EPM2A: variants seen among roughly 807,000 people sequenced by gnomAD.
The protein encoded by EPM2A is EPM2A glucan phosphatase, laforin, also known as laforin.
In EPM2A, 21 loss-of-function variants were observed where a neutral mutation model predicts 26.5. The observed-to-expected ratio is 0.79, with a 90% CI of 0.56 to 1.14. The LOEUF is 1.14. EPM2A is among the 50% of genes most tolerant of loss of function. The pLI, the probability that EPM2A is intolerant of heterozygous loss-of-function variation, is 0.00. For synonymous variants in EPM2A, 217 were observed against 177.6 expected (o/e 1.22, Z -1.76); for missense variants, 458 against 440.8 (o/e 1.04, Z -0.35).
At chr6:145,552,988 G>A (rs538757718) in intron 2 of EPM2A, among the ~76,000 whole-genome samples, 2 of 152,078 alleles carry the variant, frequency 1.3e-5, no homozygotes, top group Non-Finnish European at 2.9e-5. Flanking sequence ...GTTTGGCTCT[G>A]TGTCCCCACC....
intron 4 of EPM2A, chr6:145,490,273 G>C: frequency 6.9e-7 from 1 of 1,440,870 alleles, no homozygotes; most frequent in South Asian, 1.4e-5. Context: ...TACACCCAGT[G>C]TGTATTACCA....
At chr6:145,620,267 T>C (rs1051964628) in intron 2 of EPM2A, among the ~76,000 whole-genome samples, 28 of 152,302 alleles carry the variant, frequency 1.8e-4, no homozygotes, top group African/African-American at 6.3e-4. Flanking sequence ...GCGTGCAACC[T>C]AGATCCCTCG....
At chr6:145,683,714 T>G (rs147657879) in intron 2 of EPM2A, among the ~76,000 whole-genome samples, 1 of 152,186 alleles carries the variant, frequency 6.6e-6, no homozygotes, top group African/African-American at 2.4e-5. Flanking sequence ...TGCCTGTCTT[T>G]TCATTCAGGG....
At chr6:145,709,553 T>C (rs765665362) in intron 1 of EPM2A, among the ~76,000 whole-genome samples, 4 of 152,200 alleles carry the variant, frequency 2.6e-5, no homozygotes, top group East Asian at 1.9e-4. Context: ...TCCCCAGCCA[T>C]GTGGAACTGT....
chr6:145,540,474 C>T (rs962022988), intron 2 of EPM2A, among the ~76,000 whole-genome samples: 3 of 152,106 alleles, frequency 2.0e-5, no homozygotes, highest in Non-Finnish European at 4.4e-5. Flanking sequence ...TGGTGTGAAT[C>T]GCTAACCCAA....
intron 2 of EPM2A, among the ~76,000 whole-genome samples, chr6:145,530,405 C>T (rs6903204): frequency 0.041 from 6,204 of 152,234 alleles, 427 homozygotes; most frequent in African/African-American, 0.14. Context: ...TAGTACACAC[C>T]TAATACTGAA....
chr6:145,490,362 T>A, intron 4 of EPM2A: 1 of 1,226,768 alleles, frequency 8.2e-7, no homozygotes, highest in South Asian at 1.3e-5. Flanking sequence ...CTTCCTTTTT[T>A]GCCTCTATTC....
chr6:145,662,619 A>T (rs1778804889), intron 2 of EPM2A, among the ~76,000 whole-genome samples: 1 of 152,182 alleles, frequency 6.6e-6, no homozygotes, highest in Non-Finnish European at 1.5e-5. Flanking sequence ...TCAAGGAGCA[A>T]GGTGGGGATC....
At chr6:145,496,777 C>T (rs1779827187), downstream of EPM2A, among the ~76,000 whole-genome samples, 1 of 135,148 alleles carries the variant, frequency 7.4e-6, no homozygotes, top group African/African-American at 2.7e-5. Flanking sequence ...GTCGCCCAGG[C>T]CGGACTGTGG....
chr6:145,696,704 T>C (rs1044086604), intron 1 of EPM2A, among the ~76,000 whole-genome samples: 10 of 151,092 alleles, frequency 6.6e-5, no homozygotes, highest in African/African-American at 2.2e-4. Flanking sequence ...ATTTGGAGGA[T>C]CAGGAAAGAA....
At position 145,692,722 on chromosome 6, in the gene EPM2A, T is replaced by G. The variant is rs372764373; in HGVS notation, c.302-6426A>C. 9.9e-5 allele frequency among the ~76,000 whole-genome samples: 15 copies of G among 152,164 alleles called. 1 individual carries two copies. Among genetic ancestry groups the G allele is most frequent in the African/African-American group, 3.6e-4 (15 of 41,532 alleles). The stretch of plus-strand genomic sequence containing the variant: ...TGTTAACTTTGTCAAATCAGATGGT[T>G]TTAGGTGTCTGGCATTATTTCTGGG... On this transcript the variant is annotated intron_variant, in intron 1 of 3. Transcript: ENST00000367519.
chr6:145,647,535 G>C (rs1455762885), intron 2 of EPM2A, among the ~76,000 whole-genome samples: 1 of 152,182 alleles, frequency 6.6e-6, no homozygotes, highest in Non-Finnish European at 1.5e-5. Flanking sequence ...CTCTTGCTCT[G>C]AATTATGAGT....
intron 2 of EPM2A, among the ~76,000 whole-genome samples, chr6:145,577,337 TG>T (rs1781045304): frequency 9.3e-6 from 1 of 107,320 alleles, no homozygotes; most frequent in Admixed American, 8.6e-5. Context: ...AATGAAGGAA[TG>T]GAAAAAAAAA....
intron 2 of EPM2A, among the ~76,000 whole-genome samples, chr6:145,659,009 G>C (rs1778492869): frequency 6.6e-6 from 1 of 152,122 alleles, no homozygotes; most frequent in Non-Finnish European, 1.5e-5. Context: ...CATTCAAATA[G>C]TTTCAAAGGA....
rs1028327781 is a variant in EPM2A at position 145,472,512 on chromosome 6, C to A, written c.555+30010G>T. On this transcript the variant is annotated intron_variant, in intron 4 of 4. Coordinates refer to the EPM2A transcript ENST00000638717. ...CTGTGGACAGCATTTCTGGAGCTGC[C>A]CTAAGCCAGAGGGGAGACCACTGCC... 3.0e-4 allele frequency among the ~76,000 whole-genome samples: 45 copies of A among 152,068 alleles called. 1 individual carries two copies. Among genetic ancestry groups the A allele is most frequent in the Non-Finnish European group, 4.4e-4 (30 of 67,978 alleles).
chr6:145,627,846 G>A, intron 3 of EPM2A, 153 bp from the exon 4 acceptor site: 1 of 1,106,946 alleles, frequency 9.0e-7, no homozygotes, highest in South Asian at 1.5e-5. Flanking sequence ...GAAGGAAAAA[G>A]TGAGACCATT....
At chr6:145,488,776 T>C (rs1334277470) in intron 4 of EPM2A, among the ~76,000 whole-genome samples, 2 of 152,166 alleles carry the variant, frequency 1.3e-5, no homozygotes, top group African/African-American at 4.8e-5. Context: ...CATCTTTTTT[T>C]CATCTGGTAG....
chr6:145,655,287 G>C (rs1159884638), intron 2 of EPM2A, among the ~76,000 whole-genome samples: 1 of 152,024 alleles, frequency 6.6e-6, no homozygotes, highest in Non-Finnish European at 1.5e-5. Context: ...GTACATGTTG[G>C]ATTCTGTCCA....
At chr6:145,727,209 C>T (rs1366037357) in intron 1 of EPM2A, among the ~76,000 whole-genome samples, 1 of 151,726 alleles carries the variant, frequency 6.6e-6, no homozygotes, top group Admixed American at 6.6e-5. Context: ...TATAAGGAAA[C>T]GAGAAGATAA....
Sources: allele counts gnomAD v4.1 joint callset (sites outside exome capture counted in the v4.1 genomes callset), GRCh38; gene constraint gnomAD v4.1.1; transcripts MANE v1.5; gene names NCBI Gene and HGNC (gene_info 2026-07-23, HGNC 2026-07-21).